SUGCT: variants seen among roughly 807,000 people sequenced by gnomAD.
SUGCT encodes succinyl-CoA:glutarate CoA-transferase.
In SUGCT, 41 loss-of-function variants were observed where a neutral mutation model predicts 55.0. That is an observed-to-expected ratio of 0.74 (90% CI 0.58 to 0.97). SUGCT has a LOEUF of 0.97. SUGCT is among the 50% of genes least tolerant of loss of function. The pLI is 0.00. For synonymous variants in SUGCT, 187 were observed against 200.4 expected, an observed-to-expected ratio of 0.93 and a Z score of 0.56; for missense variants, 568 against 547.8, an observed-to-expected ratio of 1.04 and a Z score of -0.37.
the SUGCT span, among the ~76,000 whole-genome samples, chr7:40,898,732 G>A: frequency 6.6e-6 from 1 of 151,984 alleles, no homozygotes; most frequent in Non-Finnish European, 1.5e-5. Flanking sequence ...ACGAGGGTAC[G>A]CGGCTTCATT....
At chr7:40,788,901 CTTAA>C (rs1357412402) in intron 13 of SUGCT, among the ~76,000 whole-genome samples, 1 of 152,162 alleles carries the variant, frequency 6.6e-6, no homozygotes, top group Non-Finnish European at 1.5e-5. Flanking sequence ...CAGTTTGTCA[CTTAA>C]TTGTTTGAAT....
At chr7:40,551,682 G>A (rs148409652) in intron 12 of SUGCT, among the ~76,000 whole-genome samples, 4 of 152,296 alleles carry the variant, frequency 2.6e-5, no homozygotes, top group East Asian at 1.9e-4. Flanking sequence ...AGAAGAGACC[G>A]TTCAGTTGGA....
rs1584386797 is a variant in SUGCT, at chr7:40,752,509, C to A, written c.1153+3012C>A. ...TAGCTGGGATTACAGGGACGTACCA[C>A]CACACCCAACTAATTTCTGTATATT... On this transcript the variant is annotated intron_variant, in intron 13 of 13. Transcript: ENST00000335693. Among the ~76,000 whole-genome samples the A allele has an allele frequency of 4.6e-5, 7 of 152,266 alleles. No individual in the cohort carries two copies. In the East Asian group the frequency reaches 7.7e-4, roughly 17 times the overall value.
intron 12 of SUGCT, among the ~76,000 whole-genome samples, chr7:40,563,936 C>T (rs1795985432): frequency 6.6e-6 from 1 of 151,826 alleles, no homozygotes; most frequent in African/African-American, 2.4e-5. Context: ...GTCGAGGAGA[C>T]AAATACAGAT....
intron 8 of SUGCT, among the ~76,000 whole-genome samples, chr7:40,281,641 C>T (rs1792957374): frequency 1.3e-5 from 2 of 152,122 alleles, no homozygotes; most frequent in Non-Finnish European, 2.9e-5. Context: ...AAAGCAGTCT[C>T]AGGTGAAAAA....
chr7:40,790,944 G>T (rs1297516856), intron 13 of SUGCT, among the ~76,000 whole-genome samples: 1 of 152,140 alleles, frequency 6.6e-6, no homozygotes, highest in Non-Finnish European at 1.5e-5. Flanking sequence ...ATAAAATGAG[G>T]TGGCTGAGAT....
intron 9 of SUGCT, among the ~76,000 whole-genome samples, chr7:40,352,774 A>G (rs985838913): frequency 2.0e-5 from 3 of 152,134 alleles, no homozygotes; most frequent in Non-Finnish European, 4.4e-5. Flanking sequence ...TGACGTATGT[A>G]TTCCTTTGGG....
intron 9 of SUGCT, among the ~76,000 whole-genome samples, chr7:40,380,839 G>A (rs1784834129): frequency 6.6e-6 from 1 of 152,014 alleles, no homozygotes; most frequent in South Asian, 2.1e-4. Context: ...AGGTTTTGGG[G>A]GTTAGAGCTT....
intron 7 of SUGCT, among the ~76,000 whole-genome samples, chr7:40,252,071 TG>T (rs1157960729): frequency 6.6e-6 from 1 of 152,152 alleles, no homozygotes; most frequent in East Asian, 1.9e-4. Flanking sequence ...AATGAAATGA[TG>T]TACTTAACAT....
At chr7:40,385,077 G>C (rs1785050624) in intron 9 of SUGCT, among the ~76,000 whole-genome samples, 1 of 152,166 alleles carries the variant, frequency 6.6e-6, no homozygotes, top group South Asian at 2.1e-4. Flanking sequence ...GATTGTCAAT[G>C]ATCATAACAT....
intron 13 of SUGCT, among the ~76,000 whole-genome samples, chr7:40,836,571 A>T (rs565796859): frequency 7.2e-5 from 11 of 152,260 alleles, no homozygotes; most frequent in Middle Eastern, 6.8e-3. Flanking sequence ...CATCACAAGG[A>T]TCCCTCATTC....
At chr7:40,675,147 G>A (rs935921891) in intron 12 of SUGCT, among the ~76,000 whole-genome samples, 1 of 149,284 alleles carries the variant, frequency 6.7e-6, no homozygotes, top group East Asian at 2.0e-4. Context: ...TGCAACCTCC[G>A]CCTCTTGGGT....
chr7:40,460,592 T>A (rs925354484), intron 11 of SUGCT, among the ~76,000 whole-genome samples: 2 of 152,222 alleles, frequency 1.3e-5, no homozygotes, highest in African/African-American at 4.8e-5. Context: ...GAATAAATCA[T>A]GACCATACTG....
chr7:40,274,695 AC>A lies in SUGCT; in HGVS notation c.720+40del. 4 of 1,601,918 alleles carry A rather than the reference AC, an allele frequency of 2.5e-6. No homozygotes were observed. The South Asian group carries it at 3.3e-5, about 13-fold the overall frequency. ...TAACATTTCAGATAATGTTATAAAA[AC>A]TGTGTCTGGGTTATACCTTTTCAGA... On this transcript the variant is annotated intron_variant, in intron 8 of 13. Coordinates refer to ENST00000335693, the MANE Select transcript of SUGCT (RefSeq NM_001193313.2).
In SUGCT at chr7:40,304,947, G is replaced by A. The variant is rs139341638; in HGVS notation, c.721-11813G>A. Among the ~76,000 whole-genome samples the A allele has an allele frequency of 6.7e-3, 1,019 of 152,238 alleles. 2 individuals carry two copies. Among genetic ancestry groups the A allele is most frequent in the Non-Finnish European group, 0.011 (773 of 68,014 alleles). ...CAAGCCAATTCTGACTTCAGGGAAG[G>A]TTTGCTATTTCTTTTCTCTACCCAT... On this transcript the variant is annotated intron_variant, in intron 8 of 13. Coordinates refer to ENST00000335693, the MANE Select transcript of SUGCT (RefSeq NM_001193313.2).
rs530282136 is a variant in SUGCT at position 40,823,831 on chromosome 7, G to A, written c.1154-36485G>A. ...GCGACAGACTTAAGAGAAGGGCCTG[G>A]CATCACTCCTAGTCCCACGAAATTG... On this transcript the variant is annotated intron_variant, in intron 13 of 13. Coordinates refer to ENST00000335693, the MANE Select transcript of SUGCT (RefSeq NM_001193313.2). 3.3e-5 allele frequency among the ~76,000 whole-genome samples: 5 copies of A among 152,238 alleles called. No individual in the cohort carries two copies. In the South Asian group the frequency reaches 8.3e-4, roughly 25 times the overall value.
At position 40,320,326 on chromosome 7, in the gene SUGCT, G is replaced by A. The variant is rs555887622; in HGVS notation, c.816+3471G>A. On this transcript the variant is annotated intron_variant, in intron 9 of 13. Coordinates refer to ENST00000335693, the MANE Select transcript of SUGCT (RefSeq NM_001193313.2). Reference sequence around the variant, plus strand: ...TCTCCATGTTGGCCAGGATGGTCTCGAATGCCTGACCTCAAGTGATCTGGC... The same window carrying A: ...TCTCCATGTTGGCCAGGATGGTCTCAAATGCCTGACCTCAAGTGATCTGGC... Among the ~76,000 whole-genome samples, 3 of 152,136 alleles carry A rather than the reference G, an allele frequency of 2.0e-5. No homozygotes were observed. The South Asian group carries it at 6.2e-4, about 32-fold the overall frequency.
intron 1 of SUGCT, among the ~76,000 whole-genome samples, chr7:40,139,575 A>T (rs959921963): frequency 3.3e-5 from 5 of 152,024 alleles, no homozygotes; most frequent in African/African-American, 1.2e-4. Context: ...TGTTAATGGG[A>T]TTATTTGTTT....
chr7:40,986,580 G>C, the SUGCT span, among the ~76,000 whole-genome samples: 1 of 152,214 alleles, frequency 6.6e-6, no homozygotes, highest in East Asian at 1.9e-4. Context: ...TGCGGGATTG[G>C]GTCATTACTC....
Sources: gnomAD v4.1 joint callset for allele counts (sites outside exome capture counted in the v4.1 genomes callset) on GRCh38, gnomAD v4.1.1 for gene constraint, MANE v1.5 for transcripts, NCBI Gene and HGNC (gene_info 2026-07-23, HGNC 2026-07-21) for gene names.